The following ACSS1 variants were observed in gnomAD, a reference collection of about 807,000 sequenced individuals.
The protein encoded by ACSS1 is acyl-CoA synthetase short chain family member 1.
A neutral mutation model predicts 75.3 loss-of-function variants in ACSS1; 42 were observed. That is an observed-to-expected ratio of 0.56 (90% CI 0.44 to 0.72). The LOEUF is 0.72. Among genes scored for constraint, ACSS1 ranks in the 30% least tolerant of loss-of-function variants. The pLI, the probability that ACSS1 is intolerant of heterozygous loss-of-function variation, is 0.00. For synonymous variants in ACSS1, 380 were observed against 376.8 expected (o/e 1.01, Z -0.10); for missense variants, 782 against 935.7 (o/e 0.84, Z 2.14).
At chr20:25,034,796 G>A (rs1335571754) in intron 2 of ACSS1, among the ~76,000 whole-genome samples, 2 of 151,994 alleles carry the variant, frequency 1.3e-5, no homozygotes, top group Non-Finnish European at 1.5e-5. Context: ...TTGAACTCCC[G>A]ACCTCAGGAG....
chr20:25,018,730 T>C (rs1387880304), intron 7 of ACSS1, among the ~76,000 whole-genome samples: 2 of 152,198 alleles, frequency 1.3e-5, no homozygotes, highest in Non-Finnish European at 2.9e-5. Flanking sequence ...ATTAATAGTA[T>C]TCAAACTCCT....
chr20:25,007,226 C>A lies in ACSS1; in HGVS notation c.*536G>T. On this transcript the variant is annotated 3_prime_UTR_variant, in exon 14 of 14. Coordinates refer to ENST00000323482, the MANE Select transcript of ACSS1 (RefSeq NM_032501.4). ...GGCCTCTGATCCTCATGTTTCCTCA[C>A]CAGTAGAGGCAAAAAAGGAGATTTT... 4.2e-6 allele frequency: 5 copies of A among 1,181,964 alleles called. No homozygotes were observed. Among genetic ancestry groups the A allele is most frequent in the African/African-American group, 1.6e-5 (1 of 64,300 alleles). 73.2% of individuals were successfully genotyped at this position (1,181,964 alleles called of 1,614,324 possible).
At position 25,015,178 on chromosome 20, in the gene ACSS1, C is replaced by T. The variant is rs1401327686; in HGVS notation, c.1299G>A (p.Gly433=). 6.2e-7 allele frequency: 1 copy of T among 1,613,174 alleles called. No individual in the cohort carries two copies. Among genetic ancestry groups the T allele is most frequent in the Non-Finnish European group, 8.5e-7 (1 of 1,179,352 alleles). Residue 433 remains glycine (G), a synonymous_variant, in exon 8 of 14, where the codon GGG becomes GGA. Transcript: ENST00000323482. ...EAWEWLHRVV[G]DSRCTLVDTW... is the part of the protein sequence containing the mutation. Reference sequence around the variant, plus strand: ...TGTCCACCAGCGTGCACCTGCTGTCCCCCACCACCCTGTGAAGCCACTCCC... The same window carrying T: ...TGTCCACCAGCGTGCACCTGCTGTCTCCCACCACCCTGTGAAGCCACTCCC...
Position 25,020,015 on chromosome 20 carries a change from C to G in ACSS1, c.1241G>C (p.Gly414Ala). The change falls in exon 7 of 14, where the codon GGG (glycine) becomes GCG (alanine). Residue 414 changes from glycine (G) to alanine (A), a missense_variant. Gly to Ala is a moderately conservative substitution (Grantham distance 60). Around this residue, in one of 2 missense-constraint regions of ACSS1, gnomAD observed 405 missense variants for 552.6 expected, o/e 0.73. Coordinates refer to ENST00000323482, the MANE Select transcript of ACSS1 (RefSeq NM_032501.4). ...CTGCAGGGCAGGCCGCTCACCTGAC[C>G]CCAGGGTCCGCAGGGAGGAGCGATC... ...KYDRSSLRTL[G>A]SVGEPINCEA... 1 of 1,614,190 alleles carries G rather than the reference C, an allele frequency of 6.2e-7. No homozygotes were observed. The highest frequency in any genetic ancestry group is 8.5e-7 in the Non-Finnish European group (1 of 1,180,046).
At position 25,006,589 on chromosome 20, in the gene ACSS1, G is replaced by A. The variant is rs1163540734; in HGVS notation, c.*1173C>T. ...TGAAGGGTAGACTGTGGGGCAAAGA[G>A]GACAAACTCTCCCTCCCCTAAGGGA... On this transcript the variant is annotated 3_prime_UTR_variant, in exon 14 of 14. Coordinates refer to ENST00000323482, the MANE Select transcript of ACSS1 (RefSeq NM_032501.4). The A allele has an allele frequency of 6.6e-6, 3 of 454,150 alleles. No individual in the cohort carries two copies. The highest frequency in any genetic ancestry group is 1.2e-5 in the Non-Finnish European group (3 of 249,924). 28.1% of individuals were successfully genotyped at this position (454,150 alleles called of 1,614,324 possible).
rs1600331031 is a variant in ACSS1 at position 25,032,290 on chromosome 20, G to A, written c.432-1332C>T. On this transcript the variant is annotated intron_variant, in intron 2 of 13. Coordinates refer to ENST00000323482, the MANE Select transcript of ACSS1 (RefSeq NM_032501.4). Reference sequence around the variant, plus strand: ...AAGCTGATTGGCTCAGGGCCGACACGTGACCCAACCTGGTCCAGTCAGAGT... The same window carrying A: ...AAGCTGATTGGCTCAGGGCCGACACATGACCCAACCTGGTCCAGTCAGAGT... 6 of 1,217,572 alleles carry A rather than the reference G, an allele frequency of 4.9e-6. No individual in the cohort carries two copies. The South Asian group carries it at 9.0e-5, about 18-fold the overall frequency. 75.4% of individuals were successfully genotyped at this position (1,217,572 alleles called of 1,614,324 possible). A position where few individuals can be genotyped will look rare whatever the true frequency, so the allele number is the denominator to read the frequency against.
chr20:25,020,248 C>A, intron 6 of ACSS1, 101 bp from the exon 7 acceptor site: 6 of 1,496,530 alleles, frequency 4.0e-6, no homozygotes, highest in Non-Finnish European at 5.5e-6. Flanking sequence ...CATGTGCAGA[C>A]GCGCATATGT....
At chr20:25,008,297 G>A (rs2088346564) in intron 13 of ACSS1, among the ~76,000 whole-genome samples, 1 of 152,218 alleles carries the variant, frequency 6.6e-6, no homozygotes, top group African/African-American at 2.4e-5. Context: ...CTCTGGCCTG[G>A]GACTTGGCAG....
Position 25,006,599 on chromosome 20 carries a change from T to C in ACSS1, c.*1163A>G. The C allele has an allele frequency of 2.1e-6, 1 of 478,218 alleles. No individual in the cohort carries two copies. The highest frequency in any genetic ancestry group is 2.0e-5 in the African/African-American group (1 of 51,190). 29.6% of individuals were successfully genotyped at this position (478,218 alleles called of 1,614,324 possible). A position where few individuals can be genotyped will look rare whatever the true frequency, so the allele number is the denominator to read the frequency against. ...ACTGTGGGGCAAAGAGGACAAACTC[T>C]CCCTCCCCTAAGGGACCCGGCTCAC... On this transcript the variant is annotated 3_prime_UTR_variant, in exon 14 of 14. Transcript: ENST00000323482.
chr20:25,012,812 G>C lies in ACSS1; in HGVS notation c.1707C>G (p.Ile569Met). The change falls in exon 11 of 14, where the codon ATC (isoleucine) becomes ATG (methionine). Residue 569 changes from isoleucine (I) to methionine (M), a missense_variant and splice_region_variant. Physicochemically the swap from Ile to Met is conservative, Grantham distance 10 (BLOSUM62 1). This residue lies in a region of ACSS1 where 405 missense variants were observed against 552.6 expected (regional missense o/e 0.73). Coordinates refer to ENST00000323482, the MANE Select transcript of ACSS1 (RefSeq NM_032501.4). Reference protein sequence around the residue: ...RLGTAEIEDAIADHPAVPESA... With the variant: ...RLGTAEIEDAMADHPAVPESA... ...AGGAGGAGGCCCAGCCTGTGCTCAC[G>C]ATGGCGTCCTCAATCTCTGCGGTCC... is the stretch of plus-strand genomic sequence containing the variant. 6.2e-7 allele frequency: 1 copy of C among 1,614,100 alleles called. No individual in the cohort carries two copies.
At chr20:25,030,112 G>T (rs536598257) in intron 3 of ACSS1, among the ~76,000 whole-genome samples, 1 of 152,250 alleles carries the variant, frequency 6.6e-6, no homozygotes, top group South Asian at 2.1e-4. Flanking sequence ...TTTCTATGAG[G>T]CACAAGAATT....
In ACSS1 at chr20:25,013,957, A is replaced by G; in HGVS notation, c.1452+4T>C. The G allele has an allele frequency of 6.2e-7, 1 of 1,612,696 alleles. No individual in the cohort carries two copies. The highest frequency in any genetic ancestry group is 8.5e-7 in the Non-Finnish European group (1 of 1,179,298). On this transcript the variant is annotated splice_donor_region_variant and intron_variant, in intron 9 of 13. Transcript: ENST00000323482. ...ACCCCCATGTGGGGGAGGCCCATAC[A>G]CACCTTCTCATCCATGAGGACGGGG...
chr20:25,030,381 G>A (rs767132917), intron 3 of ACSS1, among the ~76,000 whole-genome samples: 2 of 152,218 alleles, frequency 1.3e-5, no homozygotes, highest in African/African-American at 4.8e-5. Context: ...CCTCAGGATA[G>A]AAGCCTTCCA....
rs2088624234 is a variant in ACSS1 at position 25,021,485 on chromosome 20, C to T, written c.1012G>A (p.Gly338Ser). The T allele has an allele frequency of 2.5e-6, 4 of 1,614,238 alleles. No homozygotes were observed. In the South Asian group the frequency reaches 3.3e-5, roughly 13 times the overall value. ...GDIFGCVADI[G>S]WITGHSYVVY... ...ACGTAGCTGTGTCCTGTAATCCAACCGATGTCGGCCACACAGCCAAAGATG... is the reference window on the plus strand; with the variant it reads ...ACGTAGCTGTGTCCTGTAATCCAACTGATGTCGGCCACACAGCCAAAGATG... The change falls in exon 6 of 14, where the codon GGT becomes AGT. Residue 338 changes from glycine (G) to serine (S), a missense_variant. Around this residue, in one of 2 missense-constraint regions of ACSS1, gnomAD observed 405 missense variants for 552.6 expected, o/e 0.73. Coordinates refer to ENST00000323482, the MANE Select transcript of ACSS1 (RefSeq NM_032501.4).
intron 2 of ACSS1, among the ~76,000 whole-genome samples, chr20:25,033,337 C>T (rs1329320776): frequency 6.6e-6 from 1 of 152,230 alleles, no homozygotes; most frequent in Non-Finnish European, 1.5e-5. Flanking sequence ...TACAGAAAGG[C>T]CTGGGGTAGC....
intron 12 of ACSS1, 31 bp from the exon 13 acceptor site, chr20:25,009,419 T>G (rs1233578408): frequency 6.3e-7 from 1 of 1,575,874 alleles, no homozygotes; most frequent in Admixed American, 1.7e-5. Context: ...GGGGATGTAT[T>G]AAATACTAGA....
intron 2 of ACSS1, among the ~76,000 whole-genome samples, chr20:25,047,336 G>C (rs1188775601): frequency 6.6e-6 from 1 of 152,098 alleles, no homozygotes; most frequent in Non-Finnish European, 1.5e-5. Context: ...GTCTTCTCAG[G>C]GCTGCTCCTC....
At chr20:25,027,935 C>T (rs535245925) in intron 3 of ACSS1, among the ~76,000 whole-genome samples, 1 of 151,882 alleles carries the variant, frequency 6.6e-6, no homozygotes, top group African/African-American at 2.4e-5. Context: ...TTGCAATATA[C>T]AAGATCACTA....
chr20:25,036,867 A>G (rs1229828285), intron 2 of ACSS1, among the ~76,000 whole-genome samples: 1 of 151,794 alleles, frequency 6.6e-6, no homozygotes, highest in East Asian at 1.9e-4. Flanking sequence ...AGGCAGGAGA[A>G]TCGCTTGAAC....
Sources: allele counts gnomAD v4.1 joint callset (sites outside exome capture counted in the v4.1 genomes callset), GRCh38; gene constraint gnomAD v4.1.1; regional missense constraint gnomAD v4.1.1; transcripts MANE v1.5; gene names NCBI Gene and HGNC (gene_info 2026-07-23, HGNC 2026-07-21).